The following TAF4 variants were observed in gnomAD, a reference collection of about 807,000 sequenced individuals.
The protein encoded by TAF4 is transcription initiation factor TFIID subunit 4.
Under a neutral mutation model 90.3 loss-of-function variants are expected in TAF4, and 9 were observed. The ratio of observed to expected loss-of-function variants is 0.10; its 90% CI spans 0.06 to 0.17. TAF4 has a LOEUF of 0.17. Among genes scored for constraint, TAF4 ranks in the 10% least tolerant of loss-of-function variants. The pLI is 1.00. For missense variants in TAF4, 1,351 were observed against 1,370.7 expected, an observed-to-expected ratio of 0.99 and a Z score of 0.23; for synonymous variants, 818 against 638.9, an observed-to-expected ratio of 1.28 and a Z score of -4.23.
chr20:62,064,910 CGGG>C lies in TAF4; in HGVS notation c.898_900del (p.Pro300del). The C allele has an allele frequency of 1.5e-6, 1 of 657,770 alleles. No individual in the cohort carries two copies. Among genetic ancestry groups the C allele is most frequent in the Non-Finnish European group, 1.8e-6 (1 of 543,076 alleles). The allele number at this position is 657,770 out of a possible 1,614,324, so 40.7% of individuals were successfully genotyped here. On this transcript the variant is annotated inframe_deletion, in exon 1 of 15. Coordinates refer to ENST00000252996, the MANE Select transcript of TAF4 (RefSeq NM_003185.4). ...GCGCTGCCCCCGTTCTGGGCGGCGG[CGGG>C]GGGCGGCACGGCGGGCGCGGCGGTC... is the stretch of plus-strand genomic sequence containing the variant.
rs185832811 is a variant in TAF4 at position 61,992,085 on chromosome 20, C to T, written c.3090+5465G>A. On this transcript the variant is annotated intron_variant, in intron 14 of 14. Coordinates refer to ENST00000252996, the MANE Select transcript of TAF4 (RefSeq NM_003185.4). ...CTTGGGAGTGGCTGCTCCCATGAAG[C>T]GTTCCAAAAGAATCTAGCAGAGAAT... Among the ~76,000 whole-genome samples, 139 of 152,210 alleles carry T rather than the reference C, an allele frequency of 9.1e-4. 1 individual carries two copies. Among genetic ancestry groups the T allele is most frequent in the Non-Finnish European group, 1.3e-3 (90 of 68,020 alleles).
At chr20:62,029,408 ACT>A (rs765628261) in intron 1 of TAF4, among the ~76,000 whole-genome samples, 2 of 152,026 alleles carry the variant, frequency 1.3e-5, no homozygotes, top group Non-Finnish European at 2.9e-5. Flanking sequence ...CTCCTGGTAA[ACT>A]CTGACACAGA....
intron 14 of TAF4, among the ~76,000 whole-genome samples, chr20:61,993,595 A>G (rs899969960): frequency 1.3e-5 from 2 of 152,208 alleles, no homozygotes; most frequent in African/African-American, 4.8e-5. Flanking sequence ...TCGCTGCACA[A>G]CTGGGGACTG....
chr20:62,043,633 T>TATC (rs2055976271), intron 1 of TAF4, among the ~76,000 whole-genome samples: 1 of 152,136 alleles, frequency 6.6e-6, no homozygotes, highest in Admixed American at 6.5e-5. Context: ...TTTCATCTTT[T>TATC]ATCCCCTAGT....
chr20:61,989,464 G>A lies in TAF4; in HGVS notation c.3090+8086C>T, dbSNP rs190095897. ...GATCAGAGCCCACCAAACACAACAGGGGTCCCGGCACCCACAGCACTGCAG... is the reference window on the plus strand; with the variant it reads ...GATCAGAGCCCACCAAACACAACAGAGGTCCCGGCACCCACAGCACTGCAG... On this transcript the variant is annotated intron_variant, in intron 14 of 14. Transcript: ENST00000252996. Among the ~76,000 whole-genome samples the A allele has an allele frequency of 2.2e-4, 34 of 152,214 alleles. No homozygotes were observed. In the East Asian group the frequency reaches 5.8e-3, roughly 26 times the overall value.
At chr20:62,056,636 A>G (rs1412148893) in intron 1 of TAF4, among the ~76,000 whole-genome samples, 2 of 152,180 alleles carry the variant, frequency 1.3e-5, no homozygotes, top group Non-Finnish European at 2.9e-5. Flanking sequence ...GGCAAAGCAC[A>G]GACTTGGGTC....
chr20:62,001,332 C>T (rs947360228), intron 9 of TAF4, among the ~76,000 whole-genome samples: 2 of 152,222 alleles, frequency 1.3e-5, no homozygotes, highest in Admixed American at 6.5e-5. Context: ...CCAGCTGCCA[C>T]GTCTTGTCCG....
chr20:61,976,461 G>C, intron 14 of TAF4, 126 bp from the exon 15 acceptor site: 1 of 1,118,112 alleles, frequency 8.9e-7, no homozygotes, highest in Non-Finnish European at 1.3e-6. Context: ...GCTCCTTCCG[G>C]TAGGCCCACA....
intron 14 of TAF4, among the ~76,000 whole-genome samples, chr20:61,997,078 G>C (rs2055667935): frequency 6.6e-6 from 1 of 152,210 alleles, no homozygotes; most frequent in South Asian, 2.1e-4. Flanking sequence ...GTCAAGGCTG[G>C]GTTTATAATT....
Position 62,064,619 on chromosome 20 carries a change from TGGGGGTCCCGGGGGC to T in TAF4, c.1177_1191del (p.Ala393_Pro397del). 2 of 1,385,770 alleles carry T rather than the reference TGGGGGTCCCGGGGGC, an allele frequency of 1.4e-6. No individual in the cohort carries two copies. The highest frequency in any genetic ancestry group is 2.4e-4 in the Middle Eastern group (1 of 4,160). The allele number at this position is 1,385,770 out of a possible 1,614,324, so 85.8% of individuals were successfully genotyped here. On this transcript the variant is annotated inframe_deletion, in exon 1 of 15. Transcript: ENST00000252996. The stretch of plus-strand genomic sequence containing the variant: ...CCGGCCGCGCCTTTGGGCAGCCCGG[TGGGGGTCCCGGGGGC>T]GGGCGGCGGGACGGCGGCCGGGCTG...
chr20:62,009,269 A>G, intron 4 of TAF4, 95 bp from the exon 5 acceptor site: 1 of 1,258,888 alleles, frequency 7.9e-7, no homozygotes. Flanking sequence ...TACAAAAGAT[A>G]CATATATTTC....
intron 1 of TAF4, among the ~76,000 whole-genome samples, chr20:62,055,142 C>T (rs1227127585): frequency 1.3e-5 from 2 of 151,304 alleles, no homozygotes; most frequent in Admixed American, 6.6e-5. Context: ...ATTCACACTG[C>T]CTGCGGGCAG....
At chr20:61,993,049 G>A (rs1239673717) in intron 14 of TAF4, among the ~76,000 whole-genome samples, 1 of 152,194 alleles carries the variant, frequency 6.6e-6, no homozygotes, top group Non-Finnish European at 1.5e-5. Flanking sequence ...AAGAAAACAT[G>A]CTCGCGTTTA....
chr20:61,991,618 A>AG (rs1014201015), intron 14 of TAF4, among the ~76,000 whole-genome samples: 13 of 152,050 alleles, frequency 8.5e-5, no homozygotes, highest in Non-Finnish European at 1.2e-4. Context: ...AACAAAAAAA[A>AG]AGAGAGAGAG....
intron 14 of TAF4, among the ~76,000 whole-genome samples, chr20:61,977,233 G>A (rs1261124738): frequency 6.8e-6 from 1 of 147,934 alleles, no homozygotes; most frequent in Non-Finnish European, 1.5e-5. Context: ...ACCGCCCAGC[G>A]GGGCGCGCAC....
intron 10 of TAF4, 36 bp downstream of exon 10, chr20:62,000,516 G>C (rs2055693006): frequency 2.5e-6 from 4 of 1,599,220 alleles, no homozygotes; most frequent in Non-Finnish European, 3.4e-6. Context: ...CAGCGCAGCT[G>C]TTTAATAAGA....
At chr20:62,011,414 A>C (rs2055776915) in intron 3 of TAF4, among the ~76,000 whole-genome samples, 1 of 152,208 alleles carries the variant, frequency 6.6e-6, no homozygotes, top group African/African-American at 2.4e-5. Context: ...TCTGCCACTA[A>C]GTATAATGCA....
chr20:62,065,462 C>A lies in TAF4; in HGVS notation c.349G>T (p.Ala117Ser). The A allele has an allele frequency of 1.0e-6, 1 of 974,636 alleles. No individual in the cohort carries two copies. Among genetic ancestry groups the A allele is most frequent in the Non-Finnish European group, 1.2e-6 (1 of 824,464 alleles). 60.4% of individuals were successfully genotyped at this position (974,636 alleles called of 1,614,324 possible). A position where few individuals can be genotyped will look rare whatever the true frequency, so the allele number is the denominator to read the frequency against. ...TTCGCGGCGGGCGGCGCGGGCCCTG[C>A]GGGGACAAGGGGGCGGCGCGGTGAG... ...PPSPRRPLVP[A>S]GPAPPAAKLR... The change falls in exon 1 of 15, where the codon GCA becomes TCA. Residue 117 changes from alanine to serine, a missense_variant. By Grantham distance (99) the Ala-to-Ser change is moderately conservative. This residue lies in a region of TAF4 where 782 missense variants were observed against 536.6 expected (regional missense o/e 1.46). Coordinates refer to ENST00000252996, the MANE Select transcript of TAF4 (RefSeq NM_003185.4).
chr20:62,024,170 C>T (rs374163661), intron 1 of TAF4, among the ~76,000 whole-genome samples: 5 of 152,156 alleles, frequency 3.3e-5, no homozygotes, highest in East Asian at 1.9e-4. Context: ...GGCCCACACG[C>T]GGATGGACAA....
Sources: allele counts gnomAD v4.1 joint callset (sites outside exome capture counted in the v4.1 genomes callset), GRCh38; gene constraint gnomAD v4.1.1; regional missense constraint gnomAD v4.1.1; transcripts MANE v1.5; gene names NCBI Gene and HGNC (gene_info 2026-07-23, HGNC 2026-07-21).